Variants in PLEKHG3 observed in about 807,000 individuals in gnomAD.
The protein encoded by PLEKHG3 is pleckstrin homology domain-containing family G member 3.
A neutral mutation model predicts 94.9 loss-of-function variants in PLEKHG3; 62 were observed. The ratio of observed to expected loss-of-function variants is 0.65; its 90% CI spans 0.53 to 0.81. The LOEUF is 0.81. PLEKHG3 is among the 30% of genes least tolerant of loss of function. PLEKHG3 has a pLI of 0.00. For missense variants in PLEKHG3, 1,461 were observed against 1,619.3 expected (o/e 0.90, Z 1.68); for synonymous variants, 614 against 654.0 (o/e 0.94, Z 0.93).
At position 64,745,774 on chromosome 14, in the gene PLEKHG3, A is replaced by G. The variant is rs2081825197; in HGVS notation, c.*2071A>G. ...TGGGGCTCTTCAGAGGGTGGGGCCC[A>G]GGAAGTTGTAGTTAACCCCTTCCCC... On this transcript the variant is annotated 3_prime_UTR_variant, in exon 17 of 17. Transcript: ENST00000247226. The surrounding 1 kb of genome is among the most constrained non-coding windows in gnomAD (Gnocchi z 5.0). 1 of 152,254 alleles carries G rather than the reference A, an allele frequency of 6.6e-6. No homozygotes were observed. 9.4% of individuals were successfully genotyped at this position (152,254 alleles called of 1,614,324 possible). A position where few individuals can be genotyped will look rare whatever the true frequency, so the allele number is the denominator to read the frequency against.
At position 64,738,632 on chromosome 14, in the gene PLEKHG3, C is replaced by G; in HGVS notation, c.1405-110C>G. The G allele has an allele frequency of 1.3e-6, 1 of 795,850 alleles. No homozygotes were observed. The highest frequency in any genetic ancestry group is 2.1e-6 in the Non-Finnish European group (1 of 475,926). 49.3% of individuals were successfully genotyped at this position (795,850 alleles called of 1,614,324 possible). A position where few individuals can be genotyped will look rare whatever the true frequency, so the allele number is the denominator to read the frequency against. ...GAATGGCTCAGGTCCAAGACTGGCT[C>G]TCAGCTCAGCCCAGCCCCTTGGGGC... On this transcript the variant is annotated intron_variant, in intron 14 of 16. Transcript: ENST00000247226. The surrounding 1 kb of genome is among the most constrained non-coding windows in gnomAD (Gnocchi z 4.8).
At position 64,727,725 on chromosome 14, in the gene PLEKHG3, A is replaced by G; in HGVS notation, c.94A>G (p.Ser32Gly). 1 of 1,612,152 alleles carries G rather than the reference A, an allele frequency of 6.2e-7. No individual in the cohort carries two copies. The highest frequency in any genetic ancestry group is 8.5e-7 in the Non-Finnish European group (1 of 1,179,468). Residue 32 changes from serine (S) to glycine (G), a missense_variant, in exon 2 of 17, where the codon AGT (serine) becomes GGT (glycine). Coordinates refer to ENST00000247226, the MANE Select transcript of PLEKHG3 (RefSeq NM_001308147.2). This position sits in a 1 kb window ranked among gnomAD's most constrained non-coding sequence, Gnocchi z 6.0. The stretch of plus-strand genomic sequence containing the variant: ...CTCCTCGTCGGGCTCCTCCTGTGAC[A>G]GTCGCAGTGCCATGGAGGAGCCCAG... ...TTSSSGSSCD[S>G]RSAMEEPSSS...
chr14:64,714,550 A>G (rs1273778973), intron 1 of PLEKHG3, among the ~76,000 whole-genome samples: 1 of 152,206 alleles, frequency 6.6e-6, no homozygotes, highest in Non-Finnish European at 1.5e-5. Context: ...TGTAAGCTCC[A>G]TGAGAATGAG....
At position 64,725,611 on chromosome 14, in the gene PLEKHG3, T is replaced by C. The variant is rs952528735; in HGVS notation, c.-39-1982T>C. On this transcript the variant is annotated intron_variant, in intron 1 of 16. Coordinates refer to ENST00000247226, the MANE Select transcript of PLEKHG3 (RefSeq NM_001308147.2). This position sits in a 1 kb window ranked among gnomAD's most constrained non-coding sequence, Gnocchi z 5.0. Reference sequence around the variant, plus strand: ...GCCCTACAATTCCCAGGGGGCTCTCTTCTGAGCAGCTCAAAGAGCTTTACC... The same window carrying C: ...GCCCTACAATTCCCAGGGGGCTCTCCTCTGAGCAGCTCAAAGAGCTTTACC... Among the ~76,000 whole-genome samples, 2 of 152,214 alleles carry C rather than the reference T, an allele frequency of 1.3e-5. No individual in the cohort carries two copies. The highest frequency in any genetic ancestry group is 2.9e-5 in the Non-Finnish European group (2 of 68,022).
rs2081645895 is a variant in PLEKHG3 at position 64,739,663 on chromosome 14, AATTCTAAGGTCAAGATGCCAGCAG to A, written c.1518+810_1518+833del. On this transcript the variant is annotated intron_variant, in intron 15 of 16. Transcript: ENST00000247226. The surrounding 1 kb of genome is among the most constrained non-coding windows in gnomAD (Gnocchi z 4.1). ...ATTGCTCACAGTTTTGGAGGCTGGA[AATTCTAAGGTCAAGATGCCAGCAG>A]ACCCTGGGGAGGGCTTGCCCTCTGC... Among the ~76,000 whole-genome samples the A allele has an allele frequency of 6.6e-6, 1 of 152,188 alleles. No homozygotes were observed. Among genetic ancestry groups the A allele is most frequent in the African/African-American group, 2.4e-5 (1 of 41,430 alleles).
In PLEKHG3 at chr14:64,743,079, A is replaced by G. The variant is rs200123897; in HGVS notation, c.3036A>G (p.Pro1012=). The change falls in exon 17 of 17, where the codon CCA becomes CCG. Residue 1012 remains proline, a synonymous_variant. Transcript: ENST00000247226. The surrounding 1 kb of genome is among the most constrained non-coding windows in gnomAD (Gnocchi z 7.2). ...PKPSSAGEMS[P]QRFFFNPSAV... ...CCTCCTCGGCTGGGGAGATGTCACC[A>G]CAGCGTTTCTTCTTCAACCCGTCTG... 1.1e-5 allele frequency: 18 copies of G among 1,613,116 alleles called. No homozygotes were observed. In the East Asian group the frequency reaches 3.8e-4, roughly 34 times the overall value.
In PLEKHG3 at chr14:64,749,600, G is replaced by A. The variant is rs1230001336; in HGVS notation, c.*5897G>A. 1.1e-5 allele frequency: 18 copies of A among 1,611,140 alleles called. No homozygotes were observed. The highest frequency in any genetic ancestry group is 2.2e-5 in the South Asian group (2 of 91,050). On this transcript the variant is annotated 3_prime_UTR_variant, in exon 17 of 17. Coordinates refer to ENST00000247226, the MANE Select transcript of PLEKHG3 (RefSeq NM_001308147.2). This position sits in a 1 kb window ranked among gnomAD's most constrained non-coding sequence, Gnocchi z 4.7. ...GGGCCTCCAGGGCAAGCGGCCTGGG[G>A]TCCTCCACCTACCCCCTTCTTAGCC...
chr14:64,737,306 T>TCCCCTG, intron 13 of PLEKHG3, 50 bp from the exon 14 acceptor site: 1 of 1,501,096 alleles, frequency 6.7e-7, no homozygotes, highest in South Asian at 1.2e-5. Flanking sequence ...TCCCCTCCCC[T>TCCCCTG]CCCCTGCCCC....
Position 64,731,095 on chromosome 14 carries a change from A to G in PLEKHG3, c.775A>G (p.Ile259Val). 1 of 1,613,144 alleles carries G rather than the reference A, an allele frequency of 6.2e-7. No individual in the cohort carries two copies. The highest frequency in any genetic ancestry group is 8.5e-7 in the Non-Finnish European group (1 of 1,179,290). Residue 259 changes from isoleucine (I) to valine (V), a missense_variant, in exon 7 of 17, where the codon ATT becomes GTT. Coordinates refer to ENST00000247226, the MANE Select transcript of PLEKHG3 (RefSeq NM_001308147.2). The surrounding 1 kb of genome is among the most constrained non-coding windows in gnomAD (Gnocchi z 6.1). ...EDGFEVVEDA[I>V]DTMTCVAWYI... ...TGGCTTTGAGGTGGTGGAGGATGCC[A>G]TTGACACCATGACCTGTGTGGCCTG...
chr14:64,727,368 C>T lies in PLEKHG3; in HGVS notation c.-39-225C>T, dbSNP rs2081371606. Among the ~76,000 whole-genome samples the T allele has an allele frequency of 6.6e-6, 1 of 152,198 alleles. No individual in the cohort carries two copies. Among genetic ancestry groups the T allele is most frequent in the African/African-American group, 2.4e-5 (1 of 41,448 alleles). On this transcript the variant is annotated intron_variant, in intron 1 of 16. Transcript: ENST00000247226. This position sits in a 1 kb window ranked among gnomAD's most constrained non-coding sequence, Gnocchi z 6.0. ...ATACACATAACATAAAATTTACCAT[C>T]TTCACCATTTTAAGTGTACAGTTCA...
chr14:64,724,194 C>T (rs775557834), intron 1 of PLEKHG3, among the ~76,000 whole-genome samples: 1 of 152,050 alleles, frequency 6.6e-6, no homozygotes, highest in Non-Finnish European at 1.5e-5. Flanking sequence ...TGGTTCCAAT[C>T]CGGTGTCTTA....
rs1289911356 is a variant in PLEKHG3 at position 64,742,102 on chromosome 14, C to T, written c.2585C>T (p.Ala862Val). The change falls in exon 16 of 17, where the codon GCC becomes GTC. Residue 862 changes from alanine (A) to valine (V), a missense_variant. Transcript: ENST00000247226. ...CTGGGAGCCATCACAGAGGAGTCGG[C>T]CACTGCCTCCCCGGAAAGCTCCTCT... ...HELGAITEES[A>V]TASPESSSPT... is the part of the protein sequence containing the mutation. The T allele has an allele frequency of 1.2e-6, 2 of 1,610,086 alleles. No individual in the cohort carries two copies. Among genetic ancestry groups the T allele is most frequent in the Non-Finnish European group, 1.7e-6 (2 of 1,179,704 alleles).
rs574993944 is a variant in PLEKHG3, at chr14:64,725,764, A to G, written c.-39-1829A>G. On this transcript the variant is annotated intron_variant, in intron 1 of 16. Coordinates refer to ENST00000247226, the MANE Select transcript of PLEKHG3 (RefSeq NM_001308147.2). This position sits in a 1 kb window ranked among gnomAD's most constrained non-coding sequence, Gnocchi z 5.0. The stretch of plus-strand genomic sequence containing the variant: ...GAGCTCCTTGGAGGTGACCCCCTCC[A>G]GTGAGACACAGTGACAAAGTGCTGT... 3.3e-5 allele frequency among the ~76,000 whole-genome samples: 5 copies of G among 152,320 alleles called. No homozygotes were observed. Among genetic ancestry groups the G allele is most frequent in the African/African-American group, 1.2e-4 (5 of 41,566 alleles).
rs531517392 is a variant in PLEKHG3 at position 64,720,967 on chromosome 14, G to A, written c.-39-6626G>A. On this transcript the variant is annotated intron_variant, in intron 1 of 16. Coordinates refer to ENST00000247226, the MANE Select transcript of PLEKHG3 (RefSeq NM_001308147.2). The surrounding 1 kb of genome is among the most constrained non-coding windows in gnomAD (Gnocchi z 4.1). The stretch of plus-strand genomic sequence containing the variant: ...CTTCTGTCTGACTCTGACTCCTGCC[G>A]GATTCCTCTTACGAGGAGCCTTATG... Among the ~76,000 whole-genome samples the A allele has an allele frequency of 6.6e-6, 1 of 152,144 alleles. No individual in the cohort carries two copies. Among genetic ancestry groups the A allele is most frequent in the Admixed American group, 6.5e-5 (1 of 15,276 alleles).
intron 12 of PLEKHG3, among the ~76,000 whole-genome samples, chr14:64,734,389 A>G (rs533998217): frequency 2.8e-4 from 42 of 152,332 alleles, no homozygotes; most frequent in African/African-American, 9.6e-4. Context: ...AGCAAGTGAT[A>G]ACGTTGGTGG....
At position 64,731,263 on chromosome 14, in the gene PLEKHG3, C is replaced by G; in HGVS notation, c.849+94C>G. 6.9e-7 allele frequency: 1 copy of G among 1,455,956 alleles called. No homozygotes were observed. The highest frequency in any genetic ancestry group is 9.5e-7 in the Non-Finnish European group (1 of 1,048,322). 90.2% of individuals were successfully genotyped at this position (1,455,956 alleles called of 1,614,324 possible). On this transcript the variant is annotated intron_variant, in intron 7 of 16. Transcript: ENST00000247226. The surrounding 1 kb of genome is among the most constrained non-coding windows in gnomAD (Gnocchi z 6.1). ...ACTGTGGCCACCCTGCTGGGATGAG[C>G]TGGGCAGTGGCATTGGGGGAGCCTT...
chr14:64,716,894 C>T lies in PLEKHG3; in HGVS notation c.-39-10699C>T, dbSNP rs1395355177. Reference sequence around the variant, plus strand: ...ACCGGTCTGAATTCTGGTCCATGTACGCTCCCAGCTGAGGCAGGAAGTGCC... The same window carrying T: ...ACCGGTCTGAATTCTGGTCCATGTATGCTCCCAGCTGAGGCAGGAAGTGCC... On this transcript the variant is annotated intron_variant, in intron 1 of 16. Transcript: ENST00000247226. This position sits in a 1 kb window ranked among gnomAD's most constrained non-coding sequence, Gnocchi z 5.0. Among the ~76,000 whole-genome samples the T allele has an allele frequency of 2.0e-5, 3 of 152,186 alleles. No homozygotes were observed. The highest frequency in any genetic ancestry group is 4.4e-5 in the Non-Finnish European group (3 of 68,034).
intron 14 of PLEKHG3, chr14:64,737,954 G>A: frequency 8.1e-7 from 1 of 1,235,210 alleles, no homozygotes; most frequent in South Asian, 1.4e-5. Context: ...CCCAGGAGGA[G>A]GAAGAGGAAG....
intron 1 of PLEKHG3, among the ~76,000 whole-genome samples, chr14:64,706,736 T>C (rs567453258): frequency 4.6e-5 from 7 of 152,360 alleles, no homozygotes; most frequent in African/African-American, 1.4e-4. Context: ...CCACGGTCAC[T>C]GTTTACGCTG....
Sources: gnomAD v4.1 joint callset for allele counts (sites outside exome capture counted in the v4.1 genomes callset) on GRCh38, gnomAD v4.1.1 for gene constraint, Gnocchi (gnomAD v3.1) non-coding constraint, MANE v1.5 for transcripts, NCBI Gene and HGNC (gene_info 2026-07-23, HGNC 2026-07-21) for gene names.